The following NTN1 variants were observed in gnomAD, a reference collection of about 807,000 sequenced individuals.
NTN1 encodes the protein netrin 1.
In NTN1, 11 loss-of-function variants were observed where a neutral mutation model predicts 54.2. The ratio of observed to expected loss-of-function variants is 0.20; its 90% CI spans 0.13 to 0.34. The LOEUF is 0.34. Ranked by LOEUF, NTN1 falls within the 10% of genes least tolerant of loss-of-function variation. The pLI, the probability that NTN1 is intolerant of heterozygous loss-of-function variation, is 1.00. For synonymous variants in NTN1, 371 were observed against 382.0 expected (o/e 0.97, Z 0.33); for missense variants, 740 against 893.1 (o/e 0.83, Z 2.18).
chr17:9,114,166 A>AAAATATAT (rs1555569108), intron 2 of NTN1, among the ~76,000 whole-genome samples: 12 of 74,654 alleles, frequency 1.6e-4, no homozygotes, highest in African/African-American at 6.4e-4. Flanking sequence ...AAAAAAAAAA[A>AAAATATAT]ATATATATAT....
chr17:9,100,181 T>G (rs1270648447), intron 2 of NTN1, among the ~76,000 whole-genome samples: 1 of 35,068 alleles, frequency 2.9e-5, no homozygotes, highest in Non-Finnish European at 5.8e-5. Flanking sequence ...TATGTGTATA[T>G]GTGTGTATAT....
At chr17:9,195,296 G>A (rs1447198152) in intron 5 of NTN1, among the ~76,000 whole-genome samples, 3 of 151,768 alleles carry the variant, frequency 2.0e-5, no homozygotes, top group Non-Finnish European at 4.4e-5. Context: ...CTGTCTCTGG[G>A]CCTTTGCAGG....
At position 9,022,574 on chromosome 17, in the gene NTN1, C is replaced by T. The variant is rs2091854782; in HGVS notation, c.201C>T (p.Ser67=). 1 of 1,546,844 alleles carries T rather than the reference C, an allele frequency of 6.5e-7. No homozygotes were observed. The highest frequency in any genetic ancestry group is 8.7e-7 in the Non-Finnish European group (1 of 1,147,160). ...CCTTCGGCAAGGACGTGCGCGTGTCCAGCACCTGCGGCCGGCCCCCGGCGC... is the reference window on the plus strand; with the variant it reads ...CCTTCGGCAAGGACGTGCGCGTGTCTAGCACCTGCGGCCGGCCCCCGGCGC... ...NAAFGKDVRV[S]STCGRPPARY... is the part of the protein sequence containing the mutation. The change falls in exon 2 of 7, where the codon TCC becomes TCT. Residue 67 remains serine, a synonymous_variant. Transcript: ENST00000173229.
At chr17:9,213,896 C>T (rs534346494) in intron 5 of NTN1, among the ~76,000 whole-genome samples, 1 of 152,064 alleles carries the variant, frequency 6.6e-6, no homozygotes, top group South Asian at 2.1e-4. Flanking sequence ...TTCAGATTTC[C>T]AAGATTTTTA....
chr17:9,125,353 G>T lies in NTN1; in HGVS notation c.1019-37460G>T, dbSNP rs192522434. Among the ~76,000 whole-genome samples the T allele has an allele frequency of 4.2e-3, 641 of 151,936 alleles. 7 individuals carry two copies. Among genetic ancestry groups the T allele is most frequent in the African/African-American group, 0.013 (559 of 41,412 alleles). On this transcript the variant is annotated intron_variant, in intron 2 of 6. Transcript: ENST00000173229. ...GCAACTCTCCTGCCTCAGCCTCCCA[G>T]ATAGGTGGGATTACAGGTGCTTGCC...
At position 9,182,953 on chromosome 17, in the gene NTN1, C is replaced by G. The variant is rs749223121; in HGVS notation, c.1395C>G (p.Ser465Arg). 1.2e-6 allele frequency: 2 copies of G among 1,606,916 alleles called. No homozygotes were observed. Among genetic ancestry groups the G allele is most frequent in the South Asian group, 2.2e-5 (2 of 90,876 alleles). ...PVAPPTTAASSVEEPEDCDSY... is the reference protein window; with the variant it reads ...PVAPPTTAASRVEEPEDCDSY... The stretch of plus-strand genomic sequence containing the variant: ...CGCCGCCGACGACTGCAGCCAGCAG[C>G]GTGGAGGAGCCTGAAGGTAAACGGC... The change falls in exon 5 of 7, where the codon AGC becomes AGG. Residue 465 changes from serine to arginine, a missense_variant. Coordinates refer to ENST00000173229, the MANE Select transcript of NTN1 (RefSeq NM_004822.3).
At chr17:9,172,342 T>C (rs1470915009) in intron 3 of NTN1, among the ~76,000 whole-genome samples, 2 of 151,574 alleles carry the variant, frequency 1.3e-5, no homozygotes, top group Non-Finnish European at 2.9e-5. Flanking sequence ...TAGCTGGGCG[T>C]GGTGGTGGGT....
chr17:9,034,940 A>AT (rs1264482622), intron 2 of NTN1, among the ~76,000 whole-genome samples: 1 of 151,436 alleles, frequency 6.6e-6, no homozygotes, highest in Admixed American at 6.6e-5. Context: ...ATTTTTGTTT[A>AT]TTTTTTATTT....
intron 2 of NTN1, among the ~76,000 whole-genome samples, chr17:9,158,679 C>G (rs534510207): frequency 3.2e-4 from 49 of 152,322 alleles, no homozygotes; most frequent in African/African-American, 1.1e-3. Context: ...GTCATTTCAC[C>G]TCTCTGAGCA....
chr17:9,221,070 C>T lies in NTN1; in HGVS notation c.1412-98C>T, dbSNP rs950498653. The stretch of plus-strand genomic sequence containing the variant: ...CCTGGCCCATGGGTATCACAGGCCT[C>T]TGGCTATTTAGGGAGGCGGCCTCCT... On this transcript the variant is annotated intron_variant, in intron 5 of 6. Coordinates refer to ENST00000173229, the MANE Select transcript of NTN1 (RefSeq NM_004822.3). This position sits in a 1 kb window ranked among gnomAD's most constrained non-coding sequence, Gnocchi z 4.5. The T allele has an allele frequency of 1.1e-6, 1 of 903,574 alleles. No individual in the cohort carries two copies. Among genetic ancestry groups the T allele is most frequent in the South Asian group, 1.3e-5 (1 of 74,204 alleles). The allele number at this position is 903,574 out of a possible 1,614,324, so 56.0% of individuals were successfully genotyped here.
At chr17:9,035,479 T>G (rs1034215184) in intron 2 of NTN1, among the ~76,000 whole-genome samples, 1 of 152,202 alleles carries the variant, frequency 6.6e-6, no homozygotes, top group Non-Finnish European at 1.5e-5. Flanking sequence ...TGACCATACT[T>G]GTCCATGTCT....
At position 9,162,940 on chromosome 17, in the gene NTN1, C is replaced by T. The variant is rs1567725488; in HGVS notation, c.1146C>T (p.Tyr382=). The T allele has an allele frequency of 6.2e-7, 1 of 1,613,976 alleles. No individual in the cohort carries two copies. Among genetic ancestry groups the T allele is most frequent in the East Asian group, 2.2e-5 (1 of 44,870 alleles). The stretch of plus-strand genomic sequence containing the variant: ...ACACCGCCGGCCGCCACTGCCATTA[C>T]TGCAAGGAGGGCTACTACCGCGACA... ...RHNTAGRHCH[Y]CKEGYYRDMG... is the part of the protein sequence containing the mutation. Residue 382 remains tyrosine (Y), a synonymous_variant, in exon 3 of 7, where the codon TAC becomes TAT. Coordinates refer to ENST00000173229, the MANE Select transcript of NTN1 (RefSeq NM_004822.3).
At chr17:9,089,258 C>T (rs946125013) in intron 2 of NTN1, among the ~76,000 whole-genome samples, 1 of 152,018 alleles carries the variant, frequency 6.6e-6, no homozygotes, top group African/African-American at 2.4e-5. Flanking sequence ...ACTAAAAATA[C>T]AAAAAAGTTA....
chr17:9,168,869 T>C (rs1195835526), intron 3 of NTN1, among the ~76,000 whole-genome samples: 1 of 152,092 alleles, frequency 6.6e-6, no homozygotes, highest in African/African-American at 2.4e-5. Flanking sequence ...AAAGGGTTGG[T>C]CATCTGAGGC....
intron 2 of NTN1, among the ~76,000 whole-genome samples, chr17:9,049,267 T>C (rs1256353519): frequency 6.6e-6 from 1 of 152,224 alleles, no homozygotes; most frequent in African/African-American, 2.4e-5. Flanking sequence ...ATAGAATATT[T>C]GCATAATGCT....
intron 2 of NTN1, among the ~76,000 whole-genome samples, chr17:9,026,358 A>G (rs1352678859): frequency 6.9e-6 from 1 of 144,086 alleles, no homozygotes; most frequent in Non-Finnish European, 1.5e-5. Context: ...CATAAAGCCC[A>G]GTTATACTTT....
intron 2 of NTN1, among the ~76,000 whole-genome samples, chr17:9,098,362 C>T (rs997848395): frequency 6.6e-6 from 1 of 152,216 alleles, no homozygotes; most frequent in African/African-American, 2.4e-5. Flanking sequence ...CCTGTGCAGT[C>T]TGGAGAGCGC....
chr17:9,186,446 A>G (rs1024302097), intron 5 of NTN1, among the ~76,000 whole-genome samples: 1 of 152,238 alleles, frequency 6.6e-6, no homozygotes, highest in Admixed American at 6.5e-5. Context: ...GCATGGAGCC[A>G]GCCAACTTCT....
intron 5 of NTN1, among the ~76,000 whole-genome samples, chr17:9,214,504 C>T (rs910367435): frequency 2.6e-5 from 4 of 152,176 alleles, no homozygotes; most frequent in African/African-American, 9.7e-5. Context: ...ATCTTTGCTA[C>T]TGCTTAAGTT....
Sources: allele counts gnomAD v4.1 joint callset (sites outside exome capture counted in the v4.1 genomes callset), GRCh38; gene constraint gnomAD v4.1.1; non-coding constraint Gnocchi (gnomAD v3.1); transcripts MANE v1.5; gene names NCBI Gene and HGNC (gene_info 2026-07-23, HGNC 2026-07-21).